Variants in KIAA1217 observed in about 807,000 individuals in gnomAD.
KIAA1217 encodes KIAA1217, also known as sickle tail protein homolog.
In KIAA1217, 88 loss-of-function variants were observed where a neutral mutation model predicts 163.9. That is an observed-to-expected ratio of 0.54 (90% CI 0.45 to 0.64). KIAA1217 has a LOEUF of 0.64. Ranked by LOEUF, KIAA1217 falls within the 30% of genes least tolerant of loss-of-function variation. The pLI, the probability that KIAA1217 is intolerant of heterozygous loss-of-function variation, is 0.00. For synonymous variants in KIAA1217, 903 were observed against 923.1 expected (o/e 0.98, Z 0.39); for missense variants, 2,372 against 2,475.0 (o/e 0.96, Z 0.88).
chr10:23,928,326 T>G (rs1843115270), intron 1 of KIAA1217, among the ~76,000 whole-genome samples: 1 of 152,208 alleles, frequency 6.6e-6, no homozygotes, highest in Non-Finnish European at 1.5e-5. Flanking sequence ...ATATTGCTTT[T>G]CAAACAGTTA....
chr10:24,524,414 A>C lies in KIAA1217; in HGVS notation c.2548A>C (p.Lys850Gln). ...MEKATAAEVL[K>Q]SQEEAAHTSG... is the part of the protein sequence containing the mutation. ...AAAGGCCACAGCCGCAGAAGTCCTG[A>C]AGAGTCAGGAGGAGGCAGCCCACAC... is the stretch of plus-strand genomic sequence containing the variant. Residue 850 changes from lysine to glutamine, a missense_variant, in exon 13 of 21, where the codon AAG becomes CAG. Physicochemically the swap from Lys to Gln is moderately conservative, Grantham distance 53 (BLOSUM62 1). Coordinates refer to ENST00000376454, the MANE Select transcript of KIAA1217 (RefSeq NM_019590.5). 1 of 1,614,182 alleles carries C rather than the reference A, an allele frequency of 6.2e-7. No individual in the cohort carries two copies. The highest frequency in any genetic ancestry group is 8.5e-7 in the Non-Finnish European group (1 of 1,180,024).
chr10:24,219,936 G>C, intron 2 of KIAA1217, 27 bp downstream of exon 2: 2 of 1,552,736 alleles, frequency 1.3e-6, no homozygotes, highest in South Asian at 2.5e-5. Flanking sequence ...ATTTCTCCTT[G>C]TGTAGCTCGC....
intron 1 of KIAA1217, among the ~76,000 whole-genome samples, chr10:23,810,717 C>A: frequency 8.2e-6 from 1 of 121,782 alleles, no homozygotes; most frequent in Non-Finnish European, 1.6e-5. Context: ...ATAAATATAC[C>A]ATATACAGTA....
intron 2 of KIAA1217, among the ~76,000 whole-genome samples, chr10:24,066,568 C>G (rs909332647): frequency 6.6e-6 from 1 of 152,120 alleles, no homozygotes; most frequent in African/African-American, 2.4e-5. Flanking sequence ...CTCTGGCTGC[C>G]CTTAACATTT....
chr10:24,109,334 G>C (rs1473471885), intron 2 of KIAA1217, among the ~76,000 whole-genome samples: 1 of 151,182 alleles, frequency 6.6e-6, no homozygotes, highest in Admixed American at 6.6e-5. Context: ...TAACTATCTT[G>C]TTTTATATAG....
chr10:24,365,421 T>C (rs1395043027), intron 2 of KIAA1217, among the ~76,000 whole-genome samples: 5 of 152,156 alleles, frequency 3.3e-5, no homozygotes, highest in Admixed American at 6.5e-5. Context: ...TCCCTGTCCA[T>C]AGCAGCTCTT....
At chr10:23,942,294 G>A (rs12357023) in intron 1 of KIAA1217, among the ~76,000 whole-genome samples, 38,529 of 152,034 alleles carry the variant, frequency 0.25, 4,972 homozygotes, top group Middle Eastern at 0.28. Flanking sequence ...ATTTAAGAAT[G>A]TAATGGAAAA....
chr10:23,948,808 A>G (rs762270970), intron 1 of KIAA1217, among the ~76,000 whole-genome samples: 2 of 152,208 alleles, frequency 1.3e-5, no homozygotes, highest in African/African-American at 2.4e-5. Flanking sequence ...GTGAATGAAT[A>G]AATGAGAAAA....
At chr10:24,116,727 T>C (rs2063069459) in intron 2 of KIAA1217, among the ~76,000 whole-genome samples, 1 of 152,144 alleles carries the variant, frequency 6.6e-6, no homozygotes, top group Non-Finnish European at 1.5e-5. Flanking sequence ...AATTTACACA[T>C]CTTCTTCCTA....
At chr10:24,489,177 G>C (rs1047348023) in intron 6 of KIAA1217, among the ~76,000 whole-genome samples, 4 of 152,090 alleles carry the variant, frequency 2.6e-5, no homozygotes, top group Non-Finnish European at 5.9e-5. Flanking sequence ...GTGGGTTGAG[G>C]CTGCAGTGAG....
At chr10:24,520,446 A>G (rs984499866) in intron 11 of KIAA1217, among the ~76,000 whole-genome samples, 193 bp downstream of exon 11, 9 of 151,538 alleles carry the variant, frequency 5.9e-5, no homozygotes, top group Non-Finnish European at 2.9e-5. Context: ...TGGAGCTGGT[A>G]TTAGAGTGGG....
chr10:24,211,540 G>GTATTTTATTTTATTT (rs1168145376), intron 1 of KIAA1217, among the ~76,000 whole-genome samples: 1 of 28,692 alleles, frequency 3.5e-5, no homozygotes, highest in African/African-American at 9.9e-5. Flanking sequence ...TGGTTGTATT[G>GTATTTTATTTTATTT]TATTGTATTG....
At position 24,433,236 on chromosome 10, in the gene KIAA1217, GT is replaced by G. The variant is rs569859382; in HGVS notation, c.752+51del. 1.8e-3 allele frequency: 2,623 copies of G among 1,466,250 alleles called. 5 individuals are homozygous for G. The highest frequency in any genetic ancestry group is 2.3e-3 in the South Asian group (182 of 80,704). 90.8% of individuals were successfully genotyped at this position (1,466,250 alleles called of 1,614,324 possible). A position where few individuals can be genotyped will look rare whatever the true frequency, so the allele number is the denominator to read the frequency against. On this transcript the variant is annotated intron_variant, in intron 4 of 20. Transcript: ENST00000376454. ...TTTTTGCCTGCCATTTTGCCTTAGA[GT>G]TTTTTTTGTTTTTTGTTTTTTTGTT... is the stretch of plus-strand genomic sequence containing the variant.
chr10:24,514,384 C>T (rs1366801609), intron 10 of KIAA1217, among the ~76,000 whole-genome samples: 1 of 152,154 alleles, frequency 6.6e-6, no homozygotes, highest in Non-Finnish European at 1.5e-5. Flanking sequence ...TCACCTATCT[C>T]CTATTGGAGC....
chr10:24,236,518 A>G (rs1367833052), intron 2 of KIAA1217, among the ~76,000 whole-genome samples: 1 of 152,186 alleles, frequency 6.6e-6, no homozygotes, highest in African/African-American at 2.4e-5. Flanking sequence ...TGCTTGGATT[A>G]TAGGCGTGAG....
At chr10:24,068,197 T>A (rs1219822642) in intron 2 of KIAA1217, among the ~76,000 whole-genome samples, 4 of 152,220 alleles carry the variant, frequency 2.6e-5, no homozygotes, top group African/African-American at 9.6e-5. Context: ...CCAGTACCTC[T>A]GTTGGAAATG....
chr10:23,840,257 G>A (rs1838707455), intron 1 of KIAA1217, among the ~76,000 whole-genome samples: 1 of 151,890 alleles, frequency 6.6e-6, no homozygotes, highest in Non-Finnish European at 1.5e-5. Flanking sequence ...CCAGGTTCAA[G>A]CAATTCTTCT....
intron 2 of KIAA1217, among the ~76,000 whole-genome samples, chr10:24,116,908 G>T (rs1016363412): frequency 1.3e-5 from 2 of 152,192 alleles, no homozygotes; most frequent in African/African-American, 4.8e-5. Context: ...GATAGTTAGG[G>T]AGTTAGAGTG....
intron 8 of KIAA1217, 41 bp from the exon 9 acceptor site, chr10:24,501,338 C>T (rs2067557306): frequency 1.3e-6 from 2 of 1,580,178 alleles, no homozygotes; most frequent in African/African-American, 1.3e-5. Flanking sequence ...TTAGACTTTC[C>T]TTTGTGGCCT....
Sources: allele counts gnomAD v4.1 joint callset (sites outside exome capture counted in the v4.1 genomes callset), GRCh38; gene constraint gnomAD v4.1.1; transcripts MANE v1.5; gene names NCBI Gene and HGNC (gene_info 2026-07-23, HGNC 2026-07-21).